The following HELZ variants were observed in gnomAD, a reference collection of about 807,000 sequenced individuals.
The protein encoded by HELZ is ATP-dependent RNA helicase with zinc finger domain.
In HELZ, 23 loss-of-function variants were observed where a neutral mutation model predicts 218.2. The ratio of observed to expected loss-of-function variants is 0.11; its 90% CI spans 0.08 to 0.15. The LOEUF (loss-of-function observed/expected upper bound fraction) is 0.15. HELZ is among the 10% of genes least tolerant of loss of function. The probability of loss-of-function intolerance (pLI) is 1.00; values close to 1 mark genes in which losing one functional copy is unlikely to be tolerated. For missense variants in HELZ, 1,813 were observed against 2,353.7 expected, an observed-to-expected ratio of 0.77 and a Z score of 4.75; for synonymous variants, 814 against 829.4, an observed-to-expected ratio of 0.98 and a Z score of 0.32.
chr17:67,102,357 T>C (rs1368244654), intron 31 of HELZ, among the ~76,000 whole-genome samples: 1 of 152,240 alleles, frequency 6.6e-6, no homozygotes, highest in Non-Finnish European at 1.5e-5. Flanking sequence ...AGTTAAATTA[T>C]AAATAATTTC....
intron 5 of HELZ, among the ~76,000 whole-genome samples, chr17:67,210,382 T>C (rs1468381549): frequency 6.6e-6 from 1 of 152,192 alleles, no homozygotes; most frequent in Non-Finnish European, 1.5e-5. Context: ...ATCATTTACT[T>C]CACAGGCCAA....
chr17:67,137,248 C>T (rs1252594730), intron 22 of HELZ, among the ~76,000 whole-genome samples: 1 of 152,144 alleles, frequency 6.6e-6, no homozygotes, highest in Non-Finnish European at 1.5e-5. Context: ...CCAAACAATC[C>T]TAGTTTTCTC....
At chr17:67,174,181 T>G (rs904378951) in intron 13 of HELZ, among the ~76,000 whole-genome samples, 2 of 150,528 alleles carry the variant, frequency 1.3e-5, no homozygotes, top group Admixed American at 6.6e-5. Flanking sequence ...CTGGACTGCT[T>G]TGAAAAAAAT....
chr17:67,204,116 A>G (rs1255236040), intron 5 of HELZ, among the ~76,000 whole-genome samples: 2 of 152,204 alleles, frequency 1.3e-5, no homozygotes, highest in Admixed American at 1.3e-4. Context: ...TGCTAAGTCC[A>G]AGGTTCTATT....
At chr17:67,203,296 A>G (rs1274496252) in intron 6 of HELZ, 23 bp downstream of exon 6, 1 of 1,608,594 alleles carries the variant, frequency 6.2e-7, no homozygotes, top group Admixed American at 1.7e-5. Flanking sequence ...TCAGGCATAC[A>G]AAATTAGAGC....
intron 6 of HELZ, among the ~76,000 whole-genome samples, chr17:67,202,722 T>C (rs1166554544): frequency 6.6e-6 from 1 of 152,252 alleles, no homozygotes; most frequent in African/African-American, 2.4e-5. Flanking sequence ...ACTCAGGCTC[T>C]GTTAAATCAT....
intron 27 of HELZ, among the ~76,000 whole-genome samples, chr17:67,116,190 TGGA>T (rs1289337759): frequency 1.3e-5 from 2 of 149,432 alleles, no homozygotes; most frequent in African/African-American, 4.9e-5. Context: ...GATAAGCCAA[TGGA>T]GACAAAAAGG....
intron 13 of HELZ, among the ~76,000 whole-genome samples, chr17:67,174,113 T>C (rs984628057): frequency 1.3e-5 from 2 of 151,298 alleles, no homozygotes; most frequent in East Asian, 1.9e-4. Flanking sequence ...ATATGAAATA[T>C]AGTATTATCT....
intron 23 of HELZ, among the ~76,000 whole-genome samples, chr17:67,131,064 T>A (rs2037966829): frequency 6.6e-6 from 1 of 152,146 alleles, no homozygotes. Flanking sequence ...TTTTTAAATT[T>A]TTTTGTAGAG....
chr17:67,131,956 TCAC>T (rs1317526482), intron 23 of HELZ, among the ~76,000 whole-genome samples: 1 of 152,172 alleles, frequency 6.6e-6, no homozygotes, highest in Non-Finnish European at 1.5e-5. Flanking sequence ...GGACAAGAAT[TCAC>T]CACTCTGGTT....
chr17:67,145,190 G>T (rs950261219), intron 21 of HELZ, among the ~76,000 whole-genome samples: 1 of 152,132 alleles, frequency 6.6e-6, no homozygotes, highest in Admixed American at 6.5e-5. Context: ...TTTCTGGTTT[G>T]TTAGCCCCTG....
At position 67,151,105 on chromosome 17, in the gene HELZ, C is replaced by T. The variant is rs201838632; in HGVS notation, c.2297G>A (p.Arg766Gln). The T allele has an allele frequency of 3.8e-4, 620 of 1,613,780 alleles. 1 individual carries two copies. The highest frequency in any genetic ancestry group is 7.5e-4 in the South Asian group (68 of 91,078). ...MPQKEDILKH[R>Q]VVVVTLNTSQ... is the part of the protein sequence containing the mutation. ...AGTATTCAAGGTAACAACCACCACTCGATGTTTAAGAATATCTTCTTTCTG... is the reference window on the plus strand; with the variant it reads ...AGTATTCAAGGTAACAACCACCACTTGATGTTTAAGAATATCTTCTTTCTG... The change falls in exon 18 of 33, where the codon CGA (arginine) becomes CAA (glutamine). Residue 766 changes from arginine to glutamine, a missense_variant. By Grantham distance (43) the Arg-to-Gln change is conservative. Coordinates refer to ENST00000358691, the MANE Select transcript of HELZ (RefSeq NM_014877.4).
chr17:67,086,641 T>TAAATAA (rs1567787963), intron 32 of HELZ, among the ~76,000 whole-genome samples, 188 bp downstream of exon 32: 27 of 92,686 alleles, frequency 2.9e-4, no homozygotes, highest in Non-Finnish European at 5.2e-4. Flanking sequence ...AATATATATA[T>TAAATAA]ATATATATAT....
intron 5 of HELZ, among the ~76,000 whole-genome samples, chr17:67,214,768 A>C (rs2040552446): frequency 6.6e-6 from 1 of 152,154 alleles, no homozygotes; most frequent in South Asian, 2.1e-4. Context: ...TCCTAGATTC[A>C]TTCTAGTAAA....
intron 31 of HELZ, among the ~76,000 whole-genome samples, chr17:67,090,028 T>C (rs1202371817): frequency 2.0e-5 from 3 of 152,086 alleles, no homozygotes; most frequent in African/African-American, 4.8e-5. Flanking sequence ...CCATTAAGTA[T>C]GATGGTAGCT....
chr17:67,213,629 T>A (rs1188411510), intron 5 of HELZ, among the ~76,000 whole-genome samples: 1 of 151,446 alleles, frequency 6.6e-6, no homozygotes, highest in East Asian at 1.9e-4. Context: ...TCAAAAAAAA[T>A]AAATAAAATA....
intron 15 of HELZ, 69 bp downstream of exon 15, chr17:67,166,409 G>A: frequency 7.5e-7 from 1 of 1,335,890 alleles, no homozygotes; most frequent in Non-Finnish European, 1.1e-6. Context: ...GTATGCTTGA[G>A]TTATTTGATA....
intron 5 of HELZ, among the ~76,000 whole-genome samples, chr17:67,206,388 A>G (rs144568079): frequency 6.6e-5 from 10 of 152,354 alleles, no homozygotes; most frequent in African/African-American, 2.4e-4. Context: ...GACTTAAAGG[A>G]GTAATATTCA....
intron 12 of HELZ, chr17:67,179,792 GACATA>G (rs916752514): frequency 6.6e-6 from 1 of 151,922 alleles, no homozygotes; most frequent in Non-Finnish European, 1.5e-5. Context: ...CCAAGACTTT[GACATA>G]ACATAATTGG....
Sources: gnomAD v4.1 joint callset for allele counts (sites outside exome capture counted in the v4.1 genomes callset) on GRCh38, gnomAD v4.1.1 for gene constraint, MANE v1.5 for transcripts, NCBI Gene and HGNC (gene_info 2026-07-23, HGNC 2026-07-21) for gene names.